The following PACRG variants were observed in gnomAD, a reference collection of about 807,000 sequenced individuals.
PACRG encodes the protein parkin coregulated gene protein.
A neutral mutation model predicts 29.7 loss-of-function variants in PACRG; 29 were observed. The ratio of observed to expected loss-of-function variants is 0.98; its 90% CI spans 0.73 to 1.33. The LOEUF is 1.33. Among genes scored for constraint, PACRG ranks in the 40% most tolerant of loss-of-function variants. PACRG has a pLI of 0.00. For synonymous variants in PACRG, 116 were observed against 118.7 expected (o/e 0.98, Z 0.15); for missense variants, 279 against 316.2 (o/e 0.88, Z 0.89).
At chr6:163,303,508 T>C (rs1785081311) in intron 4 of PACRG, among the ~76,000 whole-genome samples, 1 of 152,056 alleles carries the variant, frequency 6.6e-6, no homozygotes, top group Non-Finnish European at 1.5e-5. Flanking sequence ...GTAGAGGTGG[T>C]TACAATTATT....
intron 2 of PACRG, among the ~76,000 whole-genome samples, chr6:162,903,594 A>G (rs1023165256): frequency 1.3e-5 from 2 of 152,176 alleles, no homozygotes; most frequent in Non-Finnish European, 2.9e-5. Context: ...CACTACCACA[A>G]GAACAGTATG....
intron 4 of PACRG, among the ~76,000 whole-genome samples, chr6:163,249,015 CAAAAAAAAAAAA>C (rs57866351): frequency 9.3e-6 from 1 of 107,490 alleles, no homozygotes; most frequent in East Asian, 3.1e-4. Flanking sequence ...GACTCTGTCT[CAAAAAAAAAAAA>C]AAAAAAAAAA....
At chr6:163,144,808 T>C (rs893204367) in intron 4 of PACRG, among the ~76,000 whole-genome samples, 4 of 152,158 alleles carry the variant, frequency 2.6e-5, no homozygotes, top group African/African-American at 7.2e-5. Flanking sequence ...AGCATTTTTC[T>C]CTCTGCATCC....
chr6:162,902,570 ACT>A (rs1403029276), intron 2 of PACRG, among the ~76,000 whole-genome samples: 1 of 152,232 alleles, frequency 6.6e-6, no homozygotes, highest in African/African-American at 2.4e-5. Flanking sequence ...TTATTAAAAC[ACT>A]CAGGGCTTGC....
intron 2 of PACRG, among the ~76,000 whole-genome samples, chr6:162,961,802 G>A (rs1800641759): frequency 6.6e-6 from 1 of 152,126 alleles, no homozygotes; most frequent in Non-Finnish European, 1.5e-5. Context: ...CCAGGATGAT[G>A]CATCTAAGCT....
chr6:162,824,672 A>T (rs1788127975), intron 2 of PACRG, among the ~76,000 whole-genome samples: 1 of 152,212 alleles, frequency 6.6e-6, no homozygotes, highest in Non-Finnish European at 1.5e-5. Context: ...ATGTGATCTC[A>T]TTAACAGGCT....
chr6:163,168,213 A>G (rs1464300297), intron 4 of PACRG, among the ~76,000 whole-genome samples: 1 of 152,218 alleles, frequency 6.6e-6, no homozygotes, highest in Middle Eastern at 3.2e-3. Flanking sequence ...GTGGTGGCTC[A>G]TGCCTGTAAT....
chr6:162,981,305 A>ATATATATATATTTTTTTT (rs925663285), intron 2 of PACRG, among the ~76,000 whole-genome samples: 63 of 149,160 alleles, frequency 4.2e-4, no homozygotes, highest in African/African-American at 1.5e-3. Flanking sequence ...ATATATATAT[A>ATATATATATATTTTTTTT]TTTACAATGG....
chr6:162,940,840 C>T (rs914125735), intron 2 of PACRG, among the ~76,000 whole-genome samples: 22 of 152,128 alleles, frequency 1.4e-4, no homozygotes, highest in Admixed American at 5.9e-4. Flanking sequence ...ACTGTACATT[C>T]GTAACCTTAG....
chr6:163,080,428 G>T (rs777963363), intron 3 of PACRG, among the ~76,000 whole-genome samples: 1 of 152,152 alleles, frequency 6.6e-6, no homozygotes, highest in African/African-American at 2.4e-5. Flanking sequence ...TCTGTGAGAC[G>T]TGCTCATACG....
intron 1 of PACRG, among the ~76,000 whole-genome samples, chr6:162,750,580 C>G (rs895997029): frequency 1.3e-5 from 2 of 152,156 alleles, no homozygotes; most frequent in Admixed American, 6.5e-5. Context: ...TTATTGGAAA[C>G]TCTTTAAGAT....
chr6:162,972,882 A>G (rs186974422), intron 2 of PACRG, among the ~76,000 whole-genome samples: 4 of 152,334 alleles, frequency 2.6e-5, no homozygotes, highest in Admixed American at 2.0e-4. Flanking sequence ...GATATCTTCT[A>G]TAATGATTCT....
chr6:163,211,727 G>A (rs568908414), intron 4 of PACRG, among the ~76,000 whole-genome samples: 2 of 152,254 alleles, frequency 1.3e-5, no homozygotes, highest in East Asian at 3.9e-4. Context: ...GTAAGCAGTC[G>A]AAATGGTTGA....
intron 2 of PACRG, among the ~76,000 whole-genome samples, chr6:163,040,168 C>A (rs1808558661): frequency 6.6e-6 from 1 of 152,226 alleles, no homozygotes; most frequent in Non-Finnish European, 1.5e-5. Flanking sequence ...TAAAAGGTGA[C>A]AAGGTACAGA....
At chr6:163,139,890 A>T (rs142660198) in intron 4 of PACRG, among the ~76,000 whole-genome samples, 1 of 152,220 alleles carries the variant, frequency 6.6e-6, no homozygotes, top group African/African-American at 2.4e-5. Flanking sequence ...CCTCAACTGA[A>T]TGTTCTTGCT....
intron 2 of PACRG, among the ~76,000 whole-genome samples, chr6:162,907,725 G>A (rs570077476): frequency 5.3e-5 from 8 of 152,110 alleles, no homozygotes; most frequent in South Asian, 4.2e-4. Context: ...TAAAAAATGC[G>A]TTTACACTTG....
intron 2 of PACRG, among the ~76,000 whole-genome samples, chr6:163,016,906 G>A (rs1163151812): frequency 6.6e-6 from 1 of 151,678 alleles, no homozygotes; most frequent in Non-Finnish European, 1.5e-5. Flanking sequence ...CTATTATTTG[G>A]ACAGTGCTTC....
chr6:162,862,144 G>A (rs758657375), intron 2 of PACRG, among the ~76,000 whole-genome samples: 1 of 152,170 alleles, frequency 6.6e-6, no homozygotes, highest in Non-Finnish European at 1.5e-5. Context: ...GGACTGAGGA[G>A]GTGACTCAAA....
intron 4 of PACRG, among the ~76,000 whole-genome samples, chr6:163,148,222 G>T (rs1172272087): frequency 1.3e-5 from 2 of 152,150 alleles, no homozygotes; most frequent in Non-Finnish European, 2.9e-5. Context: ...GCCATTAGAG[G>T]CAGTCTTTCA....
Sources: gnomAD v4.1 joint callset for allele counts (sites outside exome capture counted in the v4.1 genomes callset) on GRCh38, gnomAD v4.1.1 for gene constraint, MANE v1.5 for transcripts, NCBI Gene and HGNC (gene_info 2026-07-23, HGNC 2026-07-21) for gene names.